The following RBFOX1 variants were observed in gnomAD, a reference collection of about 807,000 sequenced individuals.
RBFOX1 encodes the protein RNA binding protein fox-1 homolog 1.
Under a neutral mutation model 57.7 loss-of-function variants are expected in RBFOX1, and 8 were observed. The ratio of observed to expected loss-of-function variants is 0.14; its 90% confidence interval spans 0.08 to 0.25. RBFOX1 has a LOEUF of 0.25. Among genes scored for constraint, RBFOX1 ranks in the 10% least tolerant of loss-of-function variants. RBFOX1 has a pLI of 1.00. For missense variants in RBFOX1, 611 were observed against 548.5 expected, an observed-to-expected ratio of 1.11 and a Z score of -1.14; for synonymous variants, 326 against 222.4, an observed-to-expected ratio of 1.47 and a Z score of -4.15.
chr16:5,540,890 C>G (rs1332816834), intron 2 of RBFOX1, among the ~76,000 whole-genome samples: 3 of 152,170 alleles, frequency 2.0e-5, no homozygotes, highest in Non-Finnish European at 4.4e-5. Flanking sequence ...TGCTCTGTCG[C>G]CCAGGCTGGA....
intron 4 of RBFOX1, among the ~76,000 whole-genome samples, chr16:7,367,046 C>G (rs981538748): frequency 6.6e-6 from 1 of 151,958 alleles, no homozygotes. Context: ...TTCCCTCCCC[C>G]AAACCCCCCA....
intron 3 of RBFOX1, among the ~76,000 whole-genome samples, chr16:5,739,743 T>A (rs764845438): frequency 3.9e-5 from 6 of 152,228 alleles, no homozygotes; most frequent in Non-Finnish European, 7.3e-5. Context: ...TCCTGTGTTG[T>A]AGAAGCAGAG....
chr16:7,549,863 G>A (rs1444480806), intron 5 of RBFOX1, among the ~76,000 whole-genome samples: 1 of 152,160 alleles, frequency 6.6e-6, no homozygotes, highest in East Asian at 1.9e-4. Flanking sequence ...CGCAGGAGCA[G>A]TACTTTGCCT....
intron 1 of RBFOX1, among the ~76,000 whole-genome samples, chr16:5,338,742 T>C (rs1418616373): frequency 2.0e-5 from 3 of 152,194 alleles, no homozygotes; most frequent in African/African-American, 4.8e-5. Context: ...CACTGGAGCC[T>C]CTGCCTCCTG....
chr16:7,375,122 A>AT (rs2097660576), intron 4 of RBFOX1, among the ~76,000 whole-genome samples: 2 of 152,214 alleles, frequency 1.3e-5, no homozygotes, highest in Non-Finnish European at 2.9e-5. Flanking sequence ...GCCATTACGC[A>AT]TTATCCTGCT....
intron 2 of RBFOX1, among the ~76,000 whole-genome samples, chr16:6,639,721 A>G (rs1405366731): frequency 6.6e-6 from 1 of 152,114 alleles, no homozygotes; most frequent in Non-Finnish European, 1.5e-5. Flanking sequence ...CTAAAAATAC[A>G]AAACCAAATT....
At chr16:7,668,843 CAG>C (rs2070371467) in intron 13 of RBFOX1, among the ~76,000 whole-genome samples, 1 of 152,108 alleles carries the variant, frequency 6.6e-6, no homozygotes, top group Non-Finnish European at 1.5e-5. Flanking sequence ...TTTATACAAA[CAG>C]AGTTGCAATG....
intron 3 of RBFOX1, among the ~76,000 whole-genome samples, chr16:5,808,396 A>G (rs1191236900): frequency 6.6e-6 from 1 of 152,140 alleles, no homozygotes; most frequent in African/African-American, 2.4e-5. Flanking sequence ...TGACTTGGCG[A>G]TGCGGGCTCT....
At chr16:7,285,732 T>C (rs1447892956) in intron 4 of RBFOX1, among the ~76,000 whole-genome samples, 3 of 152,242 alleles carry the variant, frequency 2.0e-5, no homozygotes, top group African/African-American at 4.8e-5. Context: ...TTCATTGCTG[T>C]GTAGTATTCC....
intron 3 of RBFOX1, among the ~76,000 whole-genome samples, chr16:6,914,290 A>G (rs188286449): frequency 1.5e-4 from 23 of 152,276 alleles, no homozygotes; most frequent in African/African-American, 4.6e-4. Flanking sequence ...TATAATTATA[A>G]TTTCCGGGCT....
Position 5,874,446 on chromosome 16 carries a change from G to A in RBFOX1, c.351+7111G>A, listed in dbSNP as rs148525153. ...AGTGTTCTTGAGGCTGTTGTGTTTT[G>A]CTCATCATTGTCTAGCACCAGAGAG... On this transcript the variant is annotated intron_variant, in intron 4 of 19. Coordinates refer to the RBFOX1 transcript ENST00000641259. 7.7e-3 allele frequency among the ~76,000 whole-genome samples: 1,173 copies of A among 152,232 alleles called. 25 individuals carry two copies. The highest frequency in any genetic ancestry group is 0.027 in the African/African-American group (1,126 of 41,516).
intron 4 of RBFOX1, among the ~76,000 whole-genome samples, chr16:7,384,662 A>G (rs2097847824): frequency 6.6e-6 from 1 of 152,190 alleles, no homozygotes; most frequent in South Asian, 2.1e-4. Flanking sequence ...AGAGAATATA[A>G]GGTAAATAAG....
chr16:7,185,341 C>G (rs1234993806), intron 4 of RBFOX1, among the ~76,000 whole-genome samples: 1 of 152,020 alleles, frequency 6.6e-6, no homozygotes, highest in East Asian at 1.9e-4. Flanking sequence ...TGTGTTTAAT[C>G]ACAGAATCTC....
intron 4 of RBFOX1, among the ~76,000 whole-genome samples, chr16:7,224,799 G>A (rs80251515): frequency 6.6e-6 from 1 of 152,178 alleles, no homozygotes. Context: ...CCAAAGACCA[G>A]CCTCACTTGG....
At chr16:5,382,079 T>A (rs897776532) in intron 1 of RBFOX1, among the ~76,000 whole-genome samples, 1 of 152,166 alleles carries the variant, frequency 6.6e-6, no homozygotes. Flanking sequence ...ATCACCCCCC[T>A]GGTTGGGAAG....
In RBFOX1 at chr16:6,036,872, G is replaced by A. The variant is rs553047752; in HGVS notation, c.-127+16880G>A. 6.6e-5 allele frequency among the ~76,000 whole-genome samples: 10 copies of A among 152,304 alleles called. No individual in the cohort carries two copies. In the East Asian group the frequency reaches 1.7e-3, roughly 26 times the overall value. On this transcript the variant is annotated intron_variant, in intron 1 of 15. Coordinates refer to ENST00000550418, the MANE Select transcript of RBFOX1 (RefSeq NM_018723.4). Reference sequence around the variant, plus strand: ...AGTGCTATATGGGACACACAAAAAAGTAAGAGCCCATCTTTTTCAGAACAA... The same window carrying A: ...AGTGCTATATGGGACACACAAAAAAATAAGAGCCCATCTTTTTCAGAACAA...
At chr16:6,811,437 A>G (rs138242721) in intron 3 of RBFOX1, among the ~76,000 whole-genome samples, 1,616 of 152,318 alleles carry the variant, frequency 0.011, 14 homozygotes, top group Middle Eastern at 0.017. Context: ...ATTATACAAT[A>G]TATTTTTTTC....
At chr16:7,539,195 G>C (rs964762258) in intron 5 of RBFOX1, among the ~76,000 whole-genome samples, 1 of 152,084 alleles carries the variant, frequency 6.6e-6, no homozygotes, top group South Asian at 2.1e-4. Flanking sequence ...ACTTTTTGAA[G>C]AAAACACATA....
intron 3 of RBFOX1, among the ~76,000 whole-genome samples, chr16:5,700,107 C>T (rs13337903): frequency 0.014 from 2,098 of 152,324 alleles, 60 homozygotes; most frequent in African/African-American, 0.049. Context: ...GCTGGGATTA[C>T]AGGCGTGAGC....
Sources: gnomAD v4.1 joint callset for allele counts (sites outside exome capture counted in the v4.1 genomes callset) on GRCh38, gnomAD v4.1.1 for gene constraint, MANE v1.5 for transcripts, NCBI Gene and HGNC (gene_info 2026-07-23, HGNC 2026-07-21) for gene names.